Variants in SOX6 observed in about 807,000 individuals in gnomAD.
SOX6 encodes the protein transcription factor SOX-6.
SOX6 carries 11 observed loss-of-function variants against 97.8 expected under a neutral mutation model. The ratio of observed to expected loss-of-function variants is 0.11; its 90% CI spans 0.07 to 0.19. The LOEUF is 0.19. SOX6 is among the 10% of genes least tolerant of loss of function. The probability of loss-of-function intolerance (pLI) is 1.00; values close to 1 mark genes in which losing one functional copy is unlikely to be tolerated. For synonymous variants in SOX6, 360 were observed against 371.4 expected, an observed-to-expected ratio of 0.97 and a Z score of 0.35; for missense variants, 810 against 1,039.5, an observed-to-expected ratio of 0.78 and a Z score of 3.04.
intron 2 of SOX6, among the ~76,000 whole-genome samples, chr11:16,332,308 CA>C (rs1156457419): frequency 6.6e-6 from 1 of 151,986 alleles, no homozygotes; most frequent in Non-Finnish European, 1.5e-5. Flanking sequence ...TGGAACTGAC[CA>C]AAAAATTGAT....
At position 16,625,813 on chromosome 11, in the gene SOX6, C is replaced by T. The variant is rs1848615990; in HGVS notation, n.430-13553G>A. On this transcript the variant is annotated intron_variant and non_coding_transcript_variant, in intron 3 of 5. Coordinates refer to the SOX6 transcript ENST00000524520. ...CTTAAGAGGGCGTAAGAGCTCCACA[C>T]CCTTTCCCTGTGCATCTTTTCCATC... 2.0e-5 allele frequency among the ~76,000 whole-genome samples: 3 copies of T among 152,212 alleles called. No individual in the cohort carries two copies. The South Asian group carries it at 6.2e-4, about 32-fold the overall frequency.
intron 6 of SOX6, among the ~76,000 whole-genome samples, chr11:16,166,287 AAAGATCAAACCAAATCCT>A (rs1850885891): frequency 6.6e-6 from 1 of 152,242 alleles, no homozygotes. Flanking sequence ...ACCTCAGTCA[AAAGATCAAACCAAATCCT>A]AAGTTTCCAA....
chr11:15,986,908 C>T (rs1311348015), intron 14 of SOX6, among the ~76,000 whole-genome samples: 1 of 152,156 alleles, frequency 6.6e-6, no homozygotes, highest in Non-Finnish European at 1.5e-5. Context: ...TAAAAAACTA[C>T]TGTGCACAAG....
intron 4 of SOX6, among the ~76,000 whole-genome samples, chr11:16,527,588 G>A (rs1326487253): frequency 6.6e-6 from 1 of 152,052 alleles, no homozygotes; most frequent in Non-Finnish European, 1.5e-5. Flanking sequence ...ACATTTCTTT[G>A]CCTCATCACC....
intron 1 of SOX6, among the ~76,000 whole-genome samples, chr11:16,343,128 T>C (rs1856682782): frequency 6.6e-6 from 1 of 151,632 alleles, no homozygotes; most frequent in Admixed American, 6.6e-5. Flanking sequence ...AATTGCTGTA[T>C]GGCTTACTTT....
chr11:16,269,174 GTTTA>G (rs1391376879), intron 3 of SOX6, among the ~76,000 whole-genome samples: 1 of 150,538 alleles, frequency 6.6e-6, no homozygotes, highest in Non-Finnish European at 1.5e-5. Flanking sequence ...ATATTAAAAA[GTTTA>G]TCTATGCCCT....
intron 3 of SOX6, among the ~76,000 whole-genome samples, chr11:16,307,697 T>C (rs1460165836): frequency 6.6e-6 from 1 of 152,198 alleles, no homozygotes; most frequent in Non-Finnish European, 1.5e-5. Flanking sequence ...TAGGTTACTG[T>C]CATTCAAAAA....
chr11:16,126,883 T>C (rs1849624628), intron 6 of SOX6, among the ~76,000 whole-genome samples: 1 of 152,110 alleles, frequency 6.6e-6, no homozygotes, highest in Non-Finnish European at 1.5e-5. Flanking sequence ...TATGTTTATG[T>C]TTTCTGTTTT....
chr11:16,402,039 A>G (rs1041787212), intron 1 of SOX6, among the ~76,000 whole-genome samples: 3 of 151,650 alleles, frequency 2.0e-5, no homozygotes, highest in African/African-American at 7.3e-5. Context: ...TTGATATGGA[A>G]GGAAAATACA....
chr11:16,418,813 G>A (rs186815904), intron 1 of SOX6, among the ~76,000 whole-genome samples: 6 of 152,208 alleles, frequency 3.9e-5, no homozygotes, highest in East Asian at 3.9e-4. Flanking sequence ...GCTGGCACCC[G>A]TTCACATAAT....
chr11:16,531,399 T>C (rs985981293), intron 4 of SOX6, among the ~76,000 whole-genome samples: 2 of 151,876 alleles, frequency 1.3e-5, no homozygotes, highest in African/African-American at 4.8e-5. Flanking sequence ...AAAAAAAGAA[T>C]ATAATTTAAA....
Position 15,971,715 on chromosome 11 carries a change from T to A in SOX6, c.*1094A>T, listed in dbSNP as rs1853318825. The A allele has an allele frequency of 6.6e-6, 1 of 152,444 alleles. No individual in the cohort carries two copies. The highest frequency in any genetic ancestry group is 6.5e-5 in the Admixed American group (1 of 15,274). The allele number at this position is 152,444 out of a possible 1,614,324, so 9.4% of individuals were successfully genotyped here. On this transcript the variant is annotated 3_prime_UTR_variant, in exon 16 of 16. Transcript: ENST00000683767. ...AATGCTTCCAGGCGTTCTGGGGACA[T>A]AAAATCACTATGTACACAGGAGAAG...
At chr11:16,519,270 G>T (rs7931708) in intron 4 of SOX6, among the ~76,000 whole-genome samples, 2 of 152,002 alleles carry the variant, frequency 1.3e-5, no homozygotes, top group Non-Finnish European at 2.9e-5. Flanking sequence ...TAATGGTGAC[G>T]TTTGGGATCC....
chr11:16,162,431 C>A (rs1251461819), intron 6 of SOX6, among the ~76,000 whole-genome samples: 2 of 152,132 alleles, frequency 1.3e-5, no homozygotes, highest in African/African-American at 2.4e-5. Context: ...GGAGGCAGGG[C>A]CTGGTGAGAG....
intron 1 of SOX6, among the ~76,000 whole-genome samples, chr11:16,424,403 G>A (rs1406323416): frequency 6.6e-6 from 1 of 152,092 alleles, no homozygotes; most frequent in Non-Finnish European, 1.5e-5. Flanking sequence ...GGTATTTTAA[G>A]ATAACAAACT....
chr11:16,166,143 C>G (rs1467085562), intron 6 of SOX6, among the ~76,000 whole-genome samples: 1 of 151,552 alleles, frequency 6.6e-6, no homozygotes, highest in Non-Finnish European at 1.5e-5. Context: ...AGAGTCAACC[C>G]AAAAAGGAAT....
intron 2 of SOX6, among the ~76,000 whole-genome samples, chr11:16,338,157 A>AT (rs1265935522): frequency 9.2e-5 from 14 of 152,124 alleles, no homozygotes; most frequent in African/African-American, 3.4e-4. Flanking sequence ...AATTATTGTT[A>AT]TTTTTTAGAT....
intron 6 of SOX6, among the ~76,000 whole-genome samples, chr11:16,169,830 T>C (rs1239160383): frequency 6.6e-6 from 1 of 152,038 alleles, no homozygotes. Context: ...CATGAGGTGC[T>C]GATGGGGGCA....
chr11:16,226,025 C>A (rs536584264), intron 4 of SOX6, among the ~76,000 whole-genome samples: 1 of 152,130 alleles, frequency 6.6e-6, no homozygotes, highest in East Asian at 1.9e-4. Context: ...TATTTAGGTT[C>A]TATAACCAAA....
Sources: gnomAD v4.1 joint callset for allele counts (sites outside exome capture counted in the v4.1 genomes callset) on GRCh38, gnomAD v4.1.1 for gene constraint, MANE v1.5 for transcripts, NCBI Gene and HGNC (gene_info 2026-07-23, HGNC 2026-07-21) for gene names.